Variants in CLVS1 observed in about 807,000 individuals in gnomAD.
The protein encoded by CLVS1 is clavesin-1.
CLVS1 carries 10 observed loss-of-function variants against 33.1 expected under a neutral mutation model. That is an observed-to-expected ratio of 0.30 (90% CI 0.19 to 0.51). The LOEUF is 0.51. Among genes scored for constraint, CLVS1 ranks in the 20% least tolerant of loss-of-function variants. The probability of loss-of-function intolerance (pLI) is 0.97; values close to 1 mark genes in which losing one functional copy is unlikely to be tolerated. For synonymous variants in CLVS1, 163 were observed against 166.1 expected (o/e 0.98, Z 0.14); for missense variants, 343 against 433.4 (o/e 0.79, Z 1.85).
At chr8:61,351,744 A>T (rs1451129358) in intron 2 of CLVS1, among the ~76,000 whole-genome samples, 5 of 152,124 alleles carry the variant, frequency 3.3e-5, no homozygotes, top group African/African-American at 1.2e-4. Flanking sequence ...CTGAATTTTC[A>T]TCTGAAACCA....
chr8:61,064,207 G>C (rs922510514), intron 1 of CLVS1, among the ~76,000 whole-genome samples: 2 of 152,142 alleles, frequency 1.3e-5, no homozygotes, highest in Non-Finnish European at 2.9e-5. Context: ...ATATCTTTTT[G>C]AGTGCCTGCT....
chr8:61,355,300 A>T (rs1563512656), intron 2 of CLVS1, among the ~76,000 whole-genome samples: 1 of 151,236 alleles, frequency 6.6e-6, no homozygotes, highest in African/African-American at 2.4e-5. Flanking sequence ...TTTTTTTTTT[A>T]CACCATAAAT....
At chr8:61,002,274 A>G in the CLVS1 span, among the ~76,000 whole-genome samples, 7 of 147,906 alleles carry the variant, frequency 4.7e-5, no homozygotes, top group Non-Finnish European at 1.0e-4. Flanking sequence ...GAGCAACTGC[A>G]CCCAGCTGAT....
At chr8:61,221,922 T>C (rs1808226743) in intron 2 of CLVS1, among the ~76,000 whole-genome samples, 1 of 152,176 alleles carries the variant, frequency 6.6e-6, no homozygotes, top group African/African-American at 2.4e-5. Context: ...GTAGTATGTT[T>C]GTATTGAGGA....
intron 2 of CLVS1, among the ~76,000 whole-genome samples, chr8:61,345,621 G>GAT (rs36068150): frequency 0.42 from 62,018 of 148,648 alleles, 13,457 homozygotes; most frequent in East Asian, 0.65. Flanking sequence ...AGCCTCTAGG[G>GAT]GTGTGTGTGT....
intron 2 of CLVS1, chr8:61,264,621 C>T (rs975590038): frequency 6.6e-6 from 1 of 152,140 alleles, no homozygotes; most frequent in Admixed American, 6.5e-5. Context: ...TTTTGAATTG[C>T]AATTGGTTAA....
intron 1 of CLVS1, among the ~76,000 whole-genome samples, chr8:61,074,480 A>AT (rs2129281144): frequency 1.5e-5 from 2 of 136,000 alleles, no homozygotes; most frequent in South Asian, 4.5e-4. Context: ...TATATATATA[A>AT]GTATATGTGT....
chr8:61,047,881 A>C, the CLVS1 span, among the ~76,000 whole-genome samples: 1 of 152,160 alleles, frequency 6.6e-6, no homozygotes, highest in Non-Finnish European at 1.5e-5. Flanking sequence ...AGCATGGCAC[A>C]TGTATACATA....
chr8:61,272,686 C>T (rs1809471735), intron 2 of CLVS1, among the ~76,000 whole-genome samples: 1 of 151,954 alleles, frequency 6.6e-6, no homozygotes, highest in African/African-American at 2.4e-5. Context: ...GGAGGCTTTG[C>T]TCATTTCTTT....
intron 2 of CLVS1, among the ~76,000 whole-genome samples, chr8:61,323,878 G>A (rs148026543): frequency 1.3e-5 from 2 of 152,182 alleles, no homozygotes; most frequent in African/African-American, 2.4e-5. Flanking sequence ...CCACTTATAA[G>A]TCAGAACATG....
intron 1 of CLVS1, among the ~76,000 whole-genome samples, chr8:61,070,357 G>A (rs1005717754): frequency 5.9e-5 from 9 of 152,186 alleles, no homozygotes; most frequent in East Asian, 3.8e-4. Flanking sequence ...TCATGATTCC[G>A]AGGAGGATTA....
intron 5 of CLVS1, among the ~76,000 whole-genome samples, chr8:61,485,227 T>A (rs1043046990): frequency 2.1e-4 from 32 of 151,982 alleles, no homozygotes; most frequent in African/African-American, 6.8e-4. Context: ...GAATCTACAA[T>A]GAACTCAAAC....
At chr8:61,387,428 C>G (rs1486328298) in intron 3 of CLVS1, among the ~76,000 whole-genome samples, 2 of 149,306 alleles carry the variant, frequency 1.3e-5, no homozygotes, top group Admixed American at 6.7e-5. Flanking sequence ...AATTGTTAGC[C>G]CTTTATAGCC....
At chr8:61,448,612 A>C (rs1816839920) in intron 3 of CLVS1, among the ~76,000 whole-genome samples, 1 of 151,934 alleles carries the variant, frequency 6.6e-6, no homozygotes, top group African/African-American at 2.4e-5. Flanking sequence ...ACAGTGGCTC[A>C]TGCCTGTAAT....
At chr8:61,122,945 T>C (rs1418889625) in intron 1 of CLVS1, among the ~76,000 whole-genome samples, 1 of 143,860 alleles carries the variant, frequency 7.0e-6, no homozygotes, top group Non-Finnish European at 1.5e-5. Context: ...TATAAACTGG[T>C]AAAAACAAAA....
the CLVS1 span, among the ~76,000 whole-genome samples, chr8:60,981,174 C>T: frequency 6.6e-6 from 1 of 152,178 alleles, no homozygotes; most frequent in South Asian, 2.1e-4. Context: ...AGGAAATTAA[C>T]ACAGGAACAA....
intron 1 of CLVS1, among the ~76,000 whole-genome samples, chr8:61,299,298 A>G (rs1458789179): frequency 6.6e-6 from 1 of 152,184 alleles, no homozygotes; most frequent in East Asian, 1.9e-4. Flanking sequence ...TCTCTGCCAT[A>G]TCCAGGCCTG....
At chr8:61,174,595 T>C (rs553184384) in intron 2 of CLVS1, among the ~76,000 whole-genome samples, 2 of 152,318 alleles carry the variant, frequency 1.3e-5, no homozygotes, top group Admixed American at 6.5e-5. Flanking sequence ...CAACCAGTAT[T>C]TTTTGTTGGA....
intron 2 of CLVS1, among the ~76,000 whole-genome samples, chr8:61,322,788 A>G (rs79408507): frequency 0.014 from 2,192 of 152,256 alleles, 42 homozygotes; most frequent in African/African-American, 0.049. Flanking sequence ...TTAATAAATT[A>G]CTGCAAGAAA....
Sources: allele counts gnomAD v4.1 joint callset (sites outside exome capture counted in the v4.1 genomes callset), GRCh38; gene constraint gnomAD v4.1.1; transcripts MANE v1.5; gene names NCBI Gene and HGNC (gene_info 2026-07-23, HGNC 2026-07-21).